Variants in FAM178B observed in about 807,000 individuals in gnomAD.
The protein encoded by FAM178B is family with sequence similarity 178 member B.
A neutral mutation model predicts 91.7 loss-of-function variants in FAM178B; 82 were observed. The observed-to-expected ratio is 0.89, with a 90% CI of 0.75 to 1.07. The LOEUF is 1.07. Among genes scored for constraint, FAM178B ranks in the 50% least tolerant of loss-of-function variants. The pLI is 0.00. For missense variants in FAM178B, 769 were observed against 846.7 expected, an observed-to-expected ratio of 0.91 and a Z score of 1.14; for synonymous variants, 368 against 359.4, an observed-to-expected ratio of 1.02 and a Z score of -0.27.
chr2:96,888,799 A>G (rs2153368049), intron 14 of FAM178B, among the ~76,000 whole-genome samples: 1 of 152,370 alleles, frequency 6.6e-6, no homozygotes, highest in Non-Finnish European at 1.5e-5. Context: ...ACATGAGCAG[A>G]GCTACTCAGA....
At chr2:96,895,114 T>C in intron 13 of FAM178B, 1 of 1,289,474 alleles carries the variant, frequency 7.8e-7, no homozygotes, top group African/African-American at 1.5e-5. Flanking sequence ...CTTCAGCCCC[T>C]GCCTTCCACT....
At position 96,973,419 on chromosome 2, in the gene FAM178B, T is replaced by C. The variant is rs571727591; in HGVS notation, c.74-813A>G. Among the ~76,000 whole-genome samples the C allele has an allele frequency of 7.9e-5, 12 of 152,204 alleles. No homozygotes were observed. The East Asian group carries it at 2.3e-3, about 29-fold the overall frequency. ...TAGGTATTTGTGCATTTTCGCTGAA[T>C]GAATGAGTGATTTAAGAGGCCCTGG... On this transcript the variant is annotated intron_variant, in intron 1 of 16. Transcript: ENST00000490605.
At chr2:96,960,524 A>AG (rs1187525440) in intron 5 of FAM178B, 84 bp from the exon 6 acceptor site, 44 of 1,426,354 alleles carry the variant, frequency 3.1e-5, no homozygotes, top group Admixed American at 2.9e-4. Flanking sequence ...GGAAGGATAG[A>AG]GGGGGGCCAC....
chr2:96,889,023 C>T (rs986289632), intron 14 of FAM178B, among the ~76,000 whole-genome samples: 4 of 152,180 alleles, frequency 2.6e-5, no homozygotes, highest in Admixed American at 6.5e-5. Context: ...GAGCCACTCG[C>T]GCTCAGTCGG....
At chr2:96,936,531 ACAGAG>A (rs1177502068) in intron 8 of FAM178B, among the ~76,000 whole-genome samples, 81 of 136,084 alleles carry the variant, frequency 6.0e-4, no homozygotes, top group African/African-American at 2.3e-3. Flanking sequence ...TTTTTTTGAG[ACAGAG>A]CTTTGTTCTG....
chr2:96,902,760 G>A (rs1024502817), intron 12 of FAM178B, 53 bp from the exon 13 acceptor site: 65 of 1,366,264 alleles, frequency 4.8e-5, no homozygotes, highest in Admixed American at 2.2e-4. Context: ...CGGGGAGCCC[G>A]AGCAGGGGGC....
chr2:96,885,295 G>T (rs1425928147), intron 14 of FAM178B, among the ~76,000 whole-genome samples: 1 of 152,258 alleles, frequency 6.6e-6, no homozygotes, highest in Admixed American at 6.5e-5. Context: ...AGAGGACTCG[G>T]GGCCCAGCAC....
At chr2:96,910,925 G>T (rs1003909548) in intron 12 of FAM178B, among the ~76,000 whole-genome samples, 1 of 151,314 alleles carries the variant, frequency 6.6e-6, no homozygotes, top group Non-Finnish European at 1.5e-5. Flanking sequence ...ACACCACAAT[G>T]CCCGGCTAAT....
At chr2:96,954,488 C>T (rs1321033587) in intron 6 of FAM178B, among the ~76,000 whole-genome samples, 1 of 152,234 alleles carries the variant, frequency 6.6e-6, no homozygotes, top group East Asian at 1.9e-4. Context: ...AATTTCTGTT[C>T]CTTATCACAC....
At chr2:96,929,163 A>G in intron 9 of FAM178B, 43 bp downstream of exon 9, 1 of 1,381,188 alleles carries the variant, frequency 7.2e-7, no homozygotes. Flanking sequence ...TGTCTCTTAA[A>G]AAATATGAAA....
chr2:96,915,055 A>G (rs1455339954), intron 12 of FAM178B, among the ~76,000 whole-genome samples: 1 of 151,964 alleles, frequency 6.6e-6, no homozygotes, highest in Non-Finnish European at 1.5e-5. Context: ...GGGTACATGG[A>G]GTCCATTTTA....
At chr2:96,899,374 C>T (rs1019600644) in intron 13 of FAM178B, among the ~76,000 whole-genome samples, 14 of 152,190 alleles carry the variant, frequency 9.2e-5, no homozygotes, top group Non-Finnish European at 1.9e-4. Context: ...GTGCCAGTAC[C>T]TGGCACAGAG....
At chr2:96,899,159 C>A (rs1019633197) in intron 13 of FAM178B, among the ~76,000 whole-genome samples, 1 of 152,234 alleles carries the variant, frequency 6.6e-6, no homozygotes, top group Admixed American at 6.5e-5. Context: ...CAGGCCCCTG[C>A]CAGTCCTTCC....
At chr2:96,903,307 G>A (rs1277454438) in intron 12 of FAM178B, among the ~76,000 whole-genome samples, 1 of 152,250 alleles carries the variant, frequency 6.6e-6, no homozygotes, top group Non-Finnish European at 1.5e-5. Flanking sequence ...CCAAAGTGCT[G>A]GGATTACAGG....
At chr2:96,904,405 T>C (rs1003655774) in intron 12 of FAM178B, among the ~76,000 whole-genome samples, 5 of 152,152 alleles carry the variant, frequency 3.3e-5, no homozygotes, top group African/African-American at 1.2e-4. Context: ...AGAGTCTCGT[T>C]CTGTCACCCA....
chr2:96,894,073 G>A (rs889692031), intron 13 of FAM178B, 22 bp from the exon 14 acceptor site: 3 of 1,589,424 alleles, frequency 1.9e-6, no homozygotes, highest in Non-Finnish European at 2.6e-6. Context: ...AAGGGAGGCT[G>A]TCACTCACAG....
chr2:96,893,391 A>G (rs2080729608), intron 14 of FAM178B, among the ~76,000 whole-genome samples: 1 of 152,020 alleles, frequency 6.6e-6, no homozygotes, highest in Non-Finnish European at 1.5e-5. Context: ...TCCCACCAGA[A>G]CTTGGCTTTC....
chr2:96,915,115 T>TG, intron 12 of FAM178B, among the ~76,000 whole-genome samples: 1 of 151,626 alleles, frequency 6.6e-6, no homozygotes, highest in African/African-American at 2.4e-5. Context: ...TAACCAAATT[T>TG]TTTTTTTTTT....
intron 8 of FAM178B, among the ~76,000 whole-genome samples, chr2:96,936,254 T>C (rs2081624802): frequency 6.6e-6 from 1 of 152,146 alleles, no homozygotes; most frequent in African/African-American, 2.4e-5. Context: ...CAGGCTGGGG[T>C]GCAGTGGCAT....
Sources: gnomAD v4.1 joint callset for allele counts (sites outside exome capture counted in the v4.1 genomes callset) on GRCh38, gnomAD v4.1.1 for gene constraint, MANE v1.5 for transcripts, NCBI Gene and HGNC (gene_info 2026-07-23, HGNC 2026-07-21) for gene names.